HSPA14: variants seen among roughly 807,000 people sequenced by gnomAD.
The protein encoded by HSPA14 is heat shock 70 kDa protein 14.
HSPA14 carries 37 observed loss-of-function variants against 65.5 expected under a neutral mutation model. The observed-to-expected ratio is 0.56, with a 90% CI of 0.43 to 0.74. HSPA14 has a LOEUF of 0.74. Ranked by LOEUF, HSPA14 falls within the 30% of genes least tolerant of loss-of-function variation. The pLI is 0.00. For synonymous variants in HSPA14, 203 were observed against 214.2 expected (o/e 0.95, Z 0.46); for missense variants, 564 against 607.6 (o/e 0.93, Z 0.75).
intron 12 of HSPA14, among the ~76,000 whole-genome samples, chr10:14,870,321 T>G (rs780008450): frequency 5.3e-5 from 8 of 152,192 alleles, no homozygotes; most frequent in Non-Finnish European, 8.8e-5. Flanking sequence ...ATAGTACATC[T>G]TAGAAACAAT....
chr10:14,840,900 T>C (rs1036296495), intron 3 of HSPA14, among the ~76,000 whole-genome samples: 1 of 152,190 alleles, frequency 6.6e-6, no homozygotes, highest in African/African-American at 2.4e-5. Context: ...CATTTATAGA[T>C]GAGAAAATCA....
chr10:14,865,184 G>T (rs1273278413), intron 10 of HSPA14, among the ~76,000 whole-genome samples: 1 of 152,160 alleles, frequency 6.6e-6, no homozygotes, highest in Admixed American at 6.5e-5. Context: ...TTTTTTTCTT[G>T]TAAATTTGTT....
chr10:14,852,619 C>T, intron 8 of HSPA14, 88 bp downstream of exon 8: 1 of 1,087,480 alleles, frequency 9.2e-7, no homozygotes, highest in Non-Finnish European at 1.3e-6. Flanking sequence ...TTTAAGTTAT[C>T]CTGCTGCAAA....
chr10:14,860,202 C>T (rs1299971561), intron 10 of HSPA14, among the ~76,000 whole-genome samples: 2 of 152,080 alleles, frequency 1.3e-5, no homozygotes, highest in Non-Finnish European at 1.5e-5. Context: ...CTTTGGATTA[C>T]TGATTTTTAA....
At position 14,854,299 on chromosome 10, in the gene HSPA14, A is replaced by C; in HGVS notation, c.890+19A>C. The C allele has an allele frequency of 6.4e-7, 1 of 1,557,088 alleles. No individual in the cohort carries two copies. The highest frequency in any genetic ancestry group is 8.7e-7 in the Non-Finnish European group (1 of 1,154,018). ...TGTCCAGGTAAAACTGAAGTTCAAA[A>C]AACTTTTTTAAAAAATTCCAAGAAC... On this transcript the variant is annotated intron_variant, in intron 9 of 13. Coordinates refer to ENST00000378372, the MANE Select transcript of HSPA14 (RefSeq NM_016299.4).
In HSPA14 at chr10:14,845,350, A is replaced by G. The variant is rs534594890; in HGVS notation, c.222-3259A>G. On this transcript the variant is annotated intron_variant, in intron 3 of 13. Transcript: ENST00000378372. Reference sequence around the variant, plus strand: ...CATGTTGGGGGAGGTTTTATTTTCTATCTTGCAGGCTCGAGTGCTTAGCTA... The same window carrying G: ...CATGTTGGGGGAGGTTTTATTTTCTGTCTTGCAGGCTCGAGTGCTTAGCTA... 2.9e-5 allele frequency: 29 copies of G among 985,370 alleles called. No homozygotes were observed. The South Asian group carries it at 5.2e-4, about 18-fold the overall frequency. The allele number at this position is 985,370 out of a possible 1,614,324, so 61.0% of individuals were successfully genotyped here.
In HSPA14 at chr10:14,840,140, G is replaced by A; in HGVS notation, c.204G>A (p.Lys68=). ...RNISNTVMKV[K]QILGRSSSDP... is the part of the protein sequence containing the mutation. ...TTTCAAATACAGTAATGAAAGTAAA[G>A]CAGATCCTGGGCAGAAGGTATGGAA... Residue 68 remains lysine (K), a synonymous_variant, in exon 3 of 14, where the codon AAG becomes AAA. Transcript: ENST00000378372. 6.9e-7 allele frequency: 1 copy of A among 1,459,496 alleles called. No individual in the cohort carries two copies. Among genetic ancestry groups the A allele is most frequent in the Non-Finnish European group, 9.2e-7 (1 of 1,089,868 alleles). 90.4% of individuals were successfully genotyped at this position (1,459,496 alleles called of 1,614,324 possible).
chr10:14,848,459 T>G (rs1212636605), intron 3 of HSPA14, 150 bp from the exon 4 acceptor site: 6 of 546,640 alleles, frequency 1.1e-5, no homozygotes, highest in Non-Finnish European at 1.9e-5. Context: ...TCTGTAATAT[T>G]TGAAGACTTT....
At chr10:14,863,450 A>C (rs1418375838) in intron 10 of HSPA14, among the ~76,000 whole-genome samples, 1 of 152,188 alleles carries the variant, frequency 6.6e-6, no homozygotes, top group African/African-American at 2.4e-5. Context: ...AGTAGGTCCC[A>C]AGTCGTCTCT....
intron 10 of HSPA14, among the ~76,000 whole-genome samples, chr10:14,862,499 C>A (rs1347698907): frequency 6.6e-6 from 1 of 151,358 alleles, no homozygotes; most frequent in African/African-American, 2.4e-5. Context: ...CTCAGCCTCC[C>A]GAGTAGCTGG....
chr10:14,845,695 G>C (rs763113060), intron 3 of HSPA14: 1 of 228,750 alleles, frequency 4.4e-6, no homozygotes, highest in Non-Finnish European at 7.2e-6. Context: ...CCGAGTAGCC[G>C]GGATTACAGG....
chr10:14,845,590 T>C (rs1834038964), intron 3 of HSPA14: 2 of 936,152 alleles, frequency 2.1e-6, no homozygotes, highest in African/African-American at 3.6e-5. Context: ...CCCTTTTCTA[T>C]TATTATTATT....
chr10:14,861,913 G>A (rs1355756418), intron 10 of HSPA14, among the ~76,000 whole-genome samples: 1 of 151,612 alleles, frequency 6.6e-6, no homozygotes, highest in Non-Finnish European at 1.5e-5. Context: ...TTGGGAGGCT[G>A]AGGCAGGAGA....
At position 14,852,460 on chromosome 10, in the gene HSPA14, C is replaced by T. The variant is rs777805111; in HGVS notation, c.663C>T (p.Asn221=). 1.2e-6 allele frequency: 2 copies of T among 1,613,952 alleles called. No homozygotes were observed. Among genetic ancestry groups the T allele is most frequent in the Non-Finnish European group, 1.7e-6 (2 of 1,179,844 alleles). ...NSGIYRVLST[N]TDDNIGGAHF... ...GAATATATCGGGTTCTTTCAACAAACACTGATGATAACATCGGTGGTGCAC... is the reference window on the plus strand; with the variant it reads ...GAATATATCGGGTTCTTTCAACAAATACTGATGATAACATCGGTGGTGCAC... The change falls in exon 8 of 14, where the codon AAC becomes AAT. Residue 221 remains asparagine (N), a synonymous_variant. Coordinates refer to ENST00000378372, the MANE Select transcript of HSPA14 (RefSeq NM_016299.4).
intron 10 of HSPA14, among the ~76,000 whole-genome samples, chr10:14,860,293 C>CG (rs1446320741): frequency 6.6e-6 from 1 of 152,144 alleles, no homozygotes; most frequent in African/African-American, 2.4e-5. Context: ...CACACCTATT[C>CG]TACGCTAGGC....
Position 14,867,738 on chromosome 10 carries a change from T to C in HSPA14, c.1209T>C (p.Gly403=), listed in dbSNP as rs758931234. ...GCACCTTGTTTCCTGCTAACTAGGG[T>C]GTGGACGAATCAGGAGCCAGTAGAT... ...ECSARDILVK[G]VDESGASRFT... is the part of the protein sequence containing the mutation. The change falls in exon 12 of 14, where the codon GGT becomes GGC. Residue 403 remains glycine, a splice_region_variant and synonymous_variant. Transcript: ENST00000378372. 1.9e-6 allele frequency: 3 copies of C among 1,612,788 alleles called. 1 individual carries two copies. The South Asian group carries it at 3.3e-5, about 18-fold the overall frequency.
chr10:14,841,996 G>C, intron 3 of HSPA14: 1 of 554,440 alleles, frequency 1.8e-6, no homozygotes, highest in East Asian at 4.2e-5. Context: ...TCTACCCTGG[G>C]TGAACTCCCA....
chr10:14,840,094 A>G lies in HSPA14; in HGVS notation c.158A>G (p.Lys53Arg). 1 of 1,454,224 alleles carries G rather than the reference A, an allele frequency of 6.9e-7. No individual in the cohort carries two copies. The highest frequency in any genetic ancestry group is 9.2e-7 in the Non-Finnish European group (1 of 1,087,178). The allele number at this position is 1,454,224 out of a possible 1,614,324, so 90.1% of individuals were successfully genotyped here. Reference sequence around the variant, plus strand: ...TTTCAGATTGTTGGATTGGCAGCAAAACAAAGTAGAATAAGAAATATTTCA... The same window carrying G: ...TTTCAGATTGTTGGATTGGCAGCAAGACAAAGTAGAATAAGAAATATTTCA... Reference protein sequence around the residue: ...ENEEIVGLAAKQSRIRNISNT... With the variant: ...ENEEIVGLAARQSRIRNISNT... The change falls in exon 3 of 14, where the codon AAA (lysine) becomes AGA (arginine). Residue 53 changes from lysine to arginine, a missense_variant. Coordinates refer to ENST00000378372, the MANE Select transcript of HSPA14 (RefSeq NM_016299.4).
chr10:14,842,457 C>T lies in HSPA14; in HGVS notation c.221+2300C>T, dbSNP rs1300562762. The stretch of plus-strand genomic sequence containing the variant: ...ATGCAGCAGGAGGGCTTCCGCCGCA[C>T]CGAACGTCAGTGCCGCTCCAAGTTT... On this transcript the variant is annotated intron_variant, in intron 3 of 13. Coordinates refer to ENST00000378372, the MANE Select transcript of HSPA14 (RefSeq NM_016299.4). The surrounding 1 kb of genome is among the most constrained non-coding windows in gnomAD (Gnocchi z 5.2). The T allele has an allele frequency of 6.5e-7, 1 of 1,536,182 alleles. No homozygotes were observed. Among genetic ancestry groups the T allele is most frequent in the Non-Finnish European group, 8.7e-7 (1 of 1,146,922 alleles).
Sources: gnomAD v4.1 joint callset for allele counts (sites outside exome capture counted in the v4.1 genomes callset) on GRCh38, gnomAD v4.1.1 for gene constraint, Gnocchi (gnomAD v3.1) non-coding constraint, MANE v1.5 for transcripts, NCBI Gene and HGNC (gene_info 2026-07-23, HGNC 2026-07-21) for gene names.